The following FAM83F variants were observed in gnomAD, a reference collection of about 807,000 sequenced individuals.
The protein encoded by FAM83F is protein FAM83F.
In FAM83F, 45 loss-of-function variants were observed where a neutral mutation model predicts 42.9. The observed-to-expected ratio is 1.05, with a 90% CI of 0.83 to 1.35. FAM83F has a LOEUF of 1.35. Ranked by LOEUF, FAM83F falls within the 40% of genes most tolerant of loss-of-function variation. The pLI is 0.00. For synonymous variants in FAM83F, 306 were observed against 298.3 expected (o/e 1.03, Z -0.27); for missense variants, 617 against 695.9 (o/e 0.89, Z 1.28).
In FAM83F at chr22:40,042,009, C is replaced by G. The variant is rs1450155799; in HGVS notation, c.*12444C>G. The G allele has an allele frequency of 6.6e-6, 1 of 152,050 alleles. No homozygotes were observed. The highest frequency in any genetic ancestry group is 1.9e-4 in the East Asian group (1 of 5,180). 9.4% of individuals were successfully genotyped at this position (152,050 alleles called of 1,614,324 possible). ...AAGTAGCTGGGACTGTAGGCGCAGGCCACCATGCGCAACTATTTATTTTCT... is the reference window on the plus strand; with the variant it reads ...AAGTAGCTGGGACTGTAGGCGCAGGGCACCATGCGCAACTATTTATTTTCT... On this transcript the variant is annotated 3_prime_UTR_variant, in exon 5 of 5. Coordinates refer to ENST00000333407, the MANE Select transcript of FAM83F (RefSeq NM_138435.4).
rs1485768526 is a variant in FAM83F, at chr22:40,041,667, A to G, written c.*12102A>G. On this transcript the variant is annotated 3_prime_UTR_variant, in exon 5 of 5. Coordinates refer to ENST00000333407, the MANE Select transcript of FAM83F (RefSeq NM_138435.4). ...GGTGATGAGAGCTCTGAGAGCCCAG[A>G]AAAGACCCTGAACCACATCCCACTG... is the stretch of plus-strand genomic sequence containing the variant. The G allele has an allele frequency of 6.6e-6, 1 of 152,212 alleles. No homozygotes were observed. 9.4% of individuals were successfully genotyped at this position (152,212 alleles called of 1,614,324 possible).
intron 1 of FAM83F, among the ~76,000 whole-genome samples, chr22:40,007,424 C>T (rs1389632104): frequency 1.6e-4 from 6 of 37,486 alleles, no homozygotes; most frequent in Middle Eastern, 0.023. Flanking sequence ...CTGTCCTCCT[C>T]CTCTCCTCTC....
intron 1 of FAM83F, among the ~76,000 whole-genome samples, chr22:40,013,005 C>A (rs2067474725): frequency 6.7e-6 from 1 of 148,390 alleles, no homozygotes; most frequent in African/African-American, 2.5e-5. Flanking sequence ...ATGGTGTGAA[C>A]CCAGCAGGCT....
intron 1 of FAM83F, among the ~76,000 whole-genome samples, chr22:40,014,366 G>A (rs747223891): frequency 3.2e-4 from 49 of 151,792 alleles, no homozygotes; most frequent in South Asian, 8.3e-4. Flanking sequence ...TAGGGATCTC[G>A]CTTTATTAAA....
intron 1 of FAM83F, among the ~76,000 whole-genome samples, chr22:40,012,262 G>C (rs934639652): frequency 1.3e-5 from 2 of 151,838 alleles, no homozygotes; most frequent in Admixed American, 6.6e-5. Context: ...AGCCTCCCGA[G>C]TAGCTGGGAT....
intron 1 of FAM83F, among the ~76,000 whole-genome samples, chr22:40,008,769 C>G (rs1453308051): frequency 6.6e-6 from 1 of 152,202 alleles, no homozygotes; most frequent in African/African-American, 2.4e-5. Context: ...TCTTTACACA[C>G]TGAAGTTTGA....
intron 4 of FAM83F, among the ~76,000 whole-genome samples, chr22:40,022,604 A>G (rs1391310459): frequency 2.0e-5 from 3 of 151,980 alleles, no homozygotes; most frequent in Admixed American, 2.0e-4. Flanking sequence ...GGATTGTTCC[A>G]TGGCAGCGTC....
At position 39,994,980 on chromosome 22, in the gene FAM83F, C is replaced by A; in HGVS notation, c.-63C>A. ...CCCCGCCCCTCGGCGGCTCCAGGTG[C>A]GGCTGTGGGACCTCGGACCGCGGCG... On this transcript the variant is annotated 5_prime_UTR_variant, in exon 1 of 5. Transcript: ENST00000333407. The A allele has an allele frequency of 1.6e-6, 2 of 1,212,408 alleles. No homozygotes were observed. The highest frequency in any genetic ancestry group is 2.1e-6 in the Non-Finnish European group (2 of 975,270). 75.1% of individuals were successfully genotyped at this position (1,212,408 alleles called of 1,614,324 possible).
chr22:40,005,021 CCCT>C (rs2067420732), intron 1 of FAM83F, among the ~76,000 whole-genome samples: 1 of 152,192 alleles, frequency 6.6e-6, no homozygotes, highest in Non-Finnish European at 1.5e-5. Flanking sequence ...CACTTGAATG[CCCT>C]CCTGATCACT....
At chr22:40,020,403 C>T (rs2067513342) in intron 3 of FAM83F, among the ~76,000 whole-genome samples, 1 of 140,342 alleles carries the variant, frequency 7.1e-6, no homozygotes, top group Admixed American at 7.6e-5. Flanking sequence ...TGCTCCGTTG[C>T]CCAGGCTGGA....
chr22:40,018,177 C>T (rs2067501475), intron 1 of FAM83F, among the ~76,000 whole-genome samples: 1 of 152,226 alleles, frequency 6.6e-6, no homozygotes. Flanking sequence ...GGGATGGACA[C>T]CTGAAGGCCA....
In FAM83F at chr22:40,027,884, C is replaced by T. The variant is rs181615350; in HGVS notation, c.1454-1632C>T. Reference sequence around the variant, plus strand: ...CCCACCACCATCCCACCCCCAGCTACACCGCCTCCCCTGTTTAACGATCTG... The same window carrying T: ...CCCACCACCATCCCACCCCCAGCTATACCGCCTCCCCTGTTTAACGATCTG... On this transcript the variant is annotated intron_variant, in intron 4 of 4. Coordinates refer to ENST00000333407, the MANE Select transcript of FAM83F (RefSeq NM_138435.4). Among the ~76,000 whole-genome samples the T allele has an allele frequency of 9.2e-3, 1,289 of 140,552 alleles. 14 individuals carry two copies. Among genetic ancestry groups the T allele is most frequent in the African/African-American group, 0.03 (1,186 of 38,926 alleles). 92.2% of individuals were successfully genotyped at this position (140,552 alleles called of 152,430 possible).
rs965887807 is a variant in FAM83F, at chr22:40,031,685, T to A, written c.*2120T>A. 1 of 152,220 alleles carries A rather than the reference T, an allele frequency of 6.6e-6. No individual in the cohort carries two copies. Among genetic ancestry groups the A allele is most frequent in the African/African-American group, 2.4e-5 (1 of 41,452 alleles). 9.4% of individuals were successfully genotyped at this position (152,220 alleles called of 1,614,324 possible). A position where few individuals can be genotyped will look rare whatever the true frequency, so the allele number is the denominator to read the frequency against. On this transcript the variant is annotated 3_prime_UTR_variant, in exon 5 of 5. Transcript: ENST00000333407. The stretch of plus-strand genomic sequence containing the variant: ...GGGAGACCATATGTTAGGAAGCAAG[T>A]TGGCATAGTGGGAAGAGGGCCAGCC...
At position 39,995,494 on chromosome 22, in the gene FAM83F, A is replaced by G. The variant is rs2067369828; in HGVS notation, c.452A>G (p.Lys151Arg). ...PPKDEKAPHL[K>R]QVVRQMIQQA... Reference sequence around the variant, plus strand: ...AAGGACGAGAAGGCGCCGCACCTCAAGCAGGTGGTCAGGCAGATGATCCAA... The same window carrying G: ...AAGGACGAGAAGGCGCCGCACCTCAGGCAGGTGGTCAGGCAGATGATCCAA... The change falls in exon 1 of 5, where the codon AAG (lysine) becomes AGG (arginine). Residue 151 changes from lysine to arginine, a missense_variant. Physicochemically the swap from Lys to Arg is conservative, Grantham distance 26. Transcript: ENST00000333407. This position sits in a 1 kb window ranked among gnomAD's most constrained non-coding sequence, Gnocchi z 4.6. The G allele has an allele frequency of 5.7e-6, 9 of 1,579,094 alleles. No individual in the cohort carries two copies. The highest frequency in any genetic ancestry group is 6.9e-6 in the Non-Finnish European group (8 of 1,162,096).
At chr22:40,013,387 G>A (rs955910535) in intron 1 of FAM83F, among the ~76,000 whole-genome samples, 12 of 152,110 alleles carry the variant, frequency 7.9e-5, no homozygotes, top group African/African-American at 2.7e-4. Flanking sequence ...CCACTGAGTT[G>A]TGATTCTACC....
At position 39,995,332 on chromosome 22, in the gene FAM83F, C is replaced by G. The variant is rs1338030772; in HGVS notation, c.290C>G (p.Ala97Gly). ...SKAKAKAPAP[A>G]PAESGESLAY... ...GCCAAGGCCAAGGCCCCCGCGCCGG[C>G]GCCGGCTGAGTCCGGCGAGTCCCTG... Residue 97 changes from alanine to glycine, a missense_variant, in exon 1 of 5, where the codon GCG becomes GGG. Coordinates refer to ENST00000333407, the MANE Select transcript of FAM83F (RefSeq NM_138435.4). The surrounding 1 kb of genome is among the most constrained non-coding windows in gnomAD (Gnocchi z 4.6). 2 of 1,539,860 alleles carry G rather than the reference C, an allele frequency of 1.3e-6. No homozygotes were observed. Among genetic ancestry groups the G allele is most frequent in the African/African-American group, 2.7e-5 (2 of 72,992 alleles).
chr22:40,019,714 C>A (rs2067509259), intron 2 of FAM83F, among the ~76,000 whole-genome samples, 173 bp from the exon 3 acceptor site: 2 of 152,188 alleles, frequency 1.3e-5, no homozygotes, highest in African/African-American at 4.8e-5. Flanking sequence ...GGACTTCTTC[C>A]TGCTCGCCAA....
chr22:40,022,246 C>T (rs2067527701), intron 4 of FAM83F, among the ~76,000 whole-genome samples: 1 of 152,240 alleles, frequency 6.6e-6, no homozygotes, highest in African/African-American at 2.4e-5. Flanking sequence ...GGTCTCAGAG[C>T]TTCTAATGCT....
Position 39,995,029 on chromosome 22 carries a change from G to C in FAM83F, c.-14G>C. The C allele has an allele frequency of 8.1e-7, 1 of 1,242,008 alleles. No individual in the cohort carries two copies. Among genetic ancestry groups the C allele is most frequent in the Non-Finnish European group, 9.9e-7 (1 of 1,005,580 alleles). The allele number at this position is 1,242,008 out of a possible 1,614,324, so 76.9% of individuals were successfully genotyped here. On this transcript the variant is annotated 5_prime_UTR_variant, in exon 1 of 5. Transcript: ENST00000333407. The surrounding 1 kb of genome is among the most constrained non-coding windows in gnomAD (Gnocchi z 4.6). ...CGGGGCCGGGGCCAGGGCCGGGGCC[G>C]GGGCCGGGGCGCCATGGCCGAGTCC...
Sources: gnomAD v4.1 joint callset for allele counts (sites outside exome capture counted in the v4.1 genomes callset) on GRCh38, gnomAD v4.1.1 for gene constraint, Gnocchi (gnomAD v3.1) non-coding constraint, MANE v1.5 for transcripts, NCBI Gene and HGNC (gene_info 2026-07-23, HGNC 2026-07-21) for gene names.